The following FGF12 variants were observed in gnomAD, a reference collection of about 807,000 sequenced individuals.
The protein encoded by FGF12 is fibroblast growth factor 12, also known as fibroblast growth factor 12B.
In FGF12, 14 loss-of-function variants were observed where a neutral mutation model predicts 23.6. The observed-to-expected ratio is 0.59, with a 90% CI of 0.39 to 0.93. The LOEUF is 0.93. Ranked by LOEUF, FGF12 falls within the 40% of genes least tolerant of loss-of-function variation. FGF12 has a pLI of 0.00. For synonymous variants in FGF12, 62 were observed against 77.3 expected (o/e 0.80, Z 1.04); for missense variants, 175 against 217.8 (o/e 0.80, Z 1.24).
intron 2 of FGF12, among the ~76,000 whole-genome samples, chr3:192,678,143 G>A (rs1347787343): frequency 1.3e-5 from 2 of 152,194 alleles, no homozygotes; most frequent in African/African-American, 4.8e-5. Flanking sequence ...CTATGTGACA[G>A]GCTAAATGTT....
chr3:192,621,119 C>A (rs754290035), intron 2 of FGF12, among the ~76,000 whole-genome samples: 6 of 152,076 alleles, frequency 3.9e-5, no homozygotes, highest in Non-Finnish European at 8.8e-5. Flanking sequence ...CATTAAAAAC[C>A]ATTGTTTTTG....
chr3:192,593,498 T>C (rs1305918229), intron 2 of FGF12, among the ~76,000 whole-genome samples: 1 of 151,966 alleles, frequency 6.6e-6, no homozygotes, highest in East Asian at 1.9e-4. Flanking sequence ...GAACACATTA[T>C]TTTGTTTGCT....
At chr3:192,315,036 A>G (rs1276829115) in intron 4 of FGF12, among the ~76,000 whole-genome samples, 1 of 152,172 alleles carries the variant, frequency 6.6e-6, no homozygotes, top group Admixed American at 6.5e-5. Context: ...CCTCAAAATA[A>G]AGTTCTTTCA....
At chr3:192,521,338 T>A (rs1361720404) in intron 2 of FGF12, 1 of 152,218 alleles carries the variant, frequency 6.6e-6, no homozygotes, top group Non-Finnish European at 1.5e-5. Context: ...TCTCTTCTAA[T>A]AGCACTGTAA....
At chr3:192,344,822 G>T (rs1172343621) in intron 3 of FGF12, among the ~76,000 whole-genome samples, 2 of 152,098 alleles carry the variant, frequency 1.3e-5, no homozygotes, top group Non-Finnish European at 2.9e-5. Context: ...TAATTAACAA[G>T]TCAATTAAAC....
At chr3:192,685,654 A>G (rs1466398795) in intron 2 of FGF12, among the ~76,000 whole-genome samples, 2 of 152,158 alleles carry the variant, frequency 1.3e-5, no homozygotes, top group Non-Finnish European at 2.9e-5. Context: ...GAGAGTATAA[A>G]TAGATAGCAG....
chr3:192,675,852 G>A (rs773451146), intron 2 of FGF12, among the ~76,000 whole-genome samples: 8 of 152,008 alleles, frequency 5.3e-5, no homozygotes, highest in Middle Eastern at 3.4e-3. Flanking sequence ...AACAACCGAG[G>A]TCTGCACAGC....
intron 2 of FGF12, among the ~76,000 whole-genome samples, chr3:192,464,984 G>A (rs1356314908): frequency 6.6e-6 from 1 of 152,116 alleles, no homozygotes; most frequent in East Asian, 1.9e-4. Context: ...AATATCCCGT[G>A]CTTTCTTATT....
intron 2 of FGF12, among the ~76,000 whole-genome samples, chr3:192,503,420 A>C (rs1293171397): frequency 2.0e-5 from 3 of 152,204 alleles, no homozygotes; most frequent in African/African-American, 7.2e-5. Flanking sequence ...CCAAAAAATC[A>C]GTGATCCAAA....
At chr3:192,234,894 C>A (rs1200146423) in intron 4 of FGF12, among the ~76,000 whole-genome samples, 1 of 152,128 alleles carries the variant, frequency 6.6e-6, no homozygotes, top group African/African-American at 2.4e-5. Flanking sequence ...CTAAAGCCTG[C>A]TTTATTGTGG....
At chr3:192,720,368 C>T (rs961232353) in intron 2 of FGF12, among the ~76,000 whole-genome samples, 2 of 152,222 alleles carry the variant, frequency 1.3e-5, no homozygotes, top group Non-Finnish European at 2.9e-5. Context: ...GCCTAGGTGC[C>T]ATCAGCAGCA....
chr3:192,144,661 C>A (rs1161787356), intron 5 of FGF12, among the ~76,000 whole-genome samples: 1 of 152,134 alleles, frequency 6.6e-6, no homozygotes, highest in East Asian at 1.9e-4. Context: ...CTACATTTAG[C>A]TAAAGTAAGA....
chr3:192,259,000 C>A lies in FGF12; in HGVS notation c.228+76361G>T, dbSNP rs1262670120. 2.0e-5 allele frequency among the ~76,000 whole-genome samples: 3 copies of A among 151,816 alleles called. 1 individual carries two copies. The highest frequency in any genetic ancestry group is 4.9e-5 in the African/African-American group (2 of 41,142). ...ACTATTACTTACGTAACTGCAGTTA[C>A]TCAGTTAAACACATCCTAATAGAGA... On this transcript the variant is annotated intron_variant, in intron 4 of 5. Transcript: ENST00000445105.
At chr3:192,296,395 C>A (rs918080977) in intron 4 of FGF12, among the ~76,000 whole-genome samples, 1 of 151,246 alleles carries the variant, frequency 6.6e-6, no homozygotes, top group Non-Finnish European at 1.5e-5. Context: ...AGCTTATTTC[C>A]ATATTTTTTG....
At chr3:192,207,889 G>T (rs937376880) in intron 4 of FGF12, among the ~76,000 whole-genome samples, 1 of 152,168 alleles carries the variant, frequency 6.6e-6, no homozygotes, top group African/African-American at 2.4e-5. Flanking sequence ...GGAGGTGCCT[G>T]CAGGACACTC....
intron 2 of FGF12, among the ~76,000 whole-genome samples, chr3:192,608,883 CAGA>C (rs1228829598): frequency 1.3e-5 from 2 of 152,066 alleles, no homozygotes; most frequent in Non-Finnish European, 2.9e-5. Context: ...ATATTTAATG[CAGA>C]AGAAGTGCAT....
chr3:192,676,480 C>T (rs1421054941), intron 2 of FGF12, among the ~76,000 whole-genome samples: 1 of 152,184 alleles, frequency 6.6e-6, no homozygotes, highest in Non-Finnish European at 1.5e-5. Flanking sequence ...GTCCACAGTG[C>T]TTTCTAACTC....
In FGF12 at chr3:192,143,793, T is replaced by A. The variant is rs144718924; in HGVS notation, c.*216A>T. On this transcript the variant is annotated 3_prime_UTR_variant, in exon 6 of 6. Transcript: ENST00000445105. ...TTGCTTTTAAGTGTGCTAATCTTTGTGCACGTGAATTTTCTACCACATTGC... is the reference window on the plus strand; with the variant it reads ...TTGCTTTTAAGTGTGCTAATCTTTGAGCACGTGAATTTTCTACCACATTGC... The A allele has an allele frequency of 4.1e-6, 2 of 489,736 alleles. No homozygotes were observed. Among genetic ancestry groups the A allele is most frequent in the Non-Finnish European group, 7.2e-6 (2 of 277,082 alleles). 30.3% of individuals were successfully genotyped at this position (489,736 alleles called of 1,614,324 possible).
intron 2 of FGF12, among the ~76,000 whole-genome samples, chr3:192,675,042 A>G (rs1717274152): frequency 6.6e-6 from 1 of 152,194 alleles, no homozygotes; most frequent in Non-Finnish European, 1.5e-5. Context: ...GGGCTTCAGT[A>G]CTTGTCTTTA....
Sources: allele counts gnomAD v4.1 joint callset (sites outside exome capture counted in the v4.1 genomes callset), GRCh38; gene constraint gnomAD v4.1.1; transcripts MANE v1.5; gene names NCBI Gene and HGNC (gene_info 2026-07-23, HGNC 2026-07-21).